The following MAD1L1 variants were observed in gnomAD, a reference collection of about 807,000 sequenced individuals.
MAD1L1 encodes the protein mitotic arrest deficient 1 like 1.
In MAD1L1, 95 loss-of-function variants were observed where a neutral mutation model predicts 96.9. The observed-to-expected ratio is 0.98, with a 90% CI of 0.83 to 1.16. The LOEUF (loss-of-function observed/expected upper bound fraction) is 1.16, where lower values mean the gene tolerates loss of function less well. Among genes scored for constraint, MAD1L1 ranks in the 50% most tolerant of loss-of-function variants. MAD1L1 has a pLI of 0.00. For missense variants in MAD1L1, 1,007 were observed against 954.4 expected, an observed-to-expected ratio of 1.06 and a Z score of -0.73; for synonymous variants, 473 against 396.6, an observed-to-expected ratio of 1.19 and a Z score of -2.29.
rs116480823 is a variant in MAD1L1 at position 2,209,317 on chromosome 7, G to A, written c.986+3895C>T. 4.4e-3 allele frequency among the ~76,000 whole-genome samples: 667 copies of A among 152,318 alleles called. 6 individuals are homozygous for A. The highest frequency in any genetic ancestry group is 0.015 in the African/African-American group (632 of 41,572). On this transcript the variant is annotated intron_variant, in intron 10 of 18. Coordinates refer to ENST00000265854, the MANE Select transcript of MAD1L1 (RefSeq NM_001013836.2). The stretch of plus-strand genomic sequence containing the variant: ...CAGCCAGGGTTTATCCAAGCCCGGG[G>A]CGAGGCCGAAGAGCCCTCTGAGGAC...
chr7:2,016,339 T>C (rs79105731), intron 12 of MAD1L1, among the ~76,000 whole-genome samples: 1,917 of 152,228 alleles, frequency 0.013, 34 homozygotes, highest in African/African-American at 0.044. Flanking sequence ...CCCCCACCAG[T>C]ACTGGCTGAA....
At chr7:1,979,041 G>A (rs574116470) in intron 15 of MAD1L1, among the ~76,000 whole-genome samples, 17 of 152,226 alleles carry the variant, frequency 1.1e-4, no homozygotes, top group Non-Finnish European at 2.2e-4. Flanking sequence ...GCACTTCCTG[G>A]GCCGGGGCCA....
intron 10 of MAD1L1, among the ~76,000 whole-genome samples, chr7:2,169,329 T>A (rs1790594080): frequency 6.6e-6 from 1 of 152,180 alleles, no homozygotes; most frequent in South Asian, 2.1e-4. Context: ...TTTTTATGTA[T>A]CTGTATTTCC....
intron 15 of MAD1L1, among the ~76,000 whole-genome samples, chr7:1,966,084 T>C (rs1780155185): frequency 6.6e-6 from 1 of 152,222 alleles, no homozygotes; most frequent in South Asian, 2.1e-4. Context: ...CTGAAGCTGA[T>C]GATAGCTAAG....
rs191118061 is a variant in MAD1L1, at chr7:1,927,069, T to A, written c.1807+9618A>T. On this transcript the variant is annotated intron_variant, in intron 17 of 18. Coordinates refer to ENST00000265854, the MANE Select transcript of MAD1L1 (RefSeq NM_001013836.2). ...AGCCAGCATAAACATCCGTCATACA[T>A]CTACACACACGCACTGAACACCTGG... Among the ~76,000 whole-genome samples the A allele has an allele frequency of 3.0e-3, 451 of 152,128 alleles. 1 individual carries two copies. Among genetic ancestry groups the A allele is most frequent in the African/African-American group, 0.01 (421 of 41,480 alleles).
intron 12 of MAD1L1, among the ~76,000 whole-genome samples, chr7:2,065,679 G>C (rs1784847263): frequency 6.6e-6 from 1 of 152,176 alleles, no homozygotes; most frequent in South Asian, 2.1e-4. Context: ...TCCCAGGGCA[G>C]GGTGTCACCA....
In MAD1L1 at chr7:2,119,469, G is replaced by A. The variant is rs139190290; in HGVS notation, c.1073+29683C>T. ...TCTCTGTAGCTGGCCAAAGCTGGAC[G>A]ACGCCACAAGAGCAGCTCTTTACAT... On this transcript the variant is annotated intron_variant, in intron 11 of 18. Transcript: ENST00000265854. This position sits in a 1 kb window ranked among gnomAD's most constrained non-coding sequence, Gnocchi z 4.6. Among the ~76,000 whole-genome samples, 113 of 152,226 alleles carry A rather than the reference G, an allele frequency of 7.4e-4. No homozygotes were observed. Among genetic ancestry groups the A allele is most frequent in the African/African-American group, 2.5e-3 (104 of 41,520 alleles).
intron 14 of MAD1L1, among the ~76,000 whole-genome samples, chr7:1,999,813 C>T (rs372304517): frequency 3.2e-4 from 48 of 152,214 alleles, no homozygotes; most frequent in African/African-American, 1.1e-3. Context: ...AAACGCCGGC[C>T]GCAGGGCCCA....
Position 1,939,649 on chromosome 7 carries a change from G to A in MAD1L1, c.1597-2752C>T, listed in dbSNP as rs548764918. On this transcript the variant is annotated intron_variant, in intron 16 of 18. Coordinates refer to ENST00000265854, the MANE Select transcript of MAD1L1 (RefSeq NM_001013836.2). Reference sequence around the variant, plus strand: ...TGCCACCCTTGGGGCTTCTGCCCACGCACTCTCCTATCTCCCAGAGGGGAA... The same window carrying A: ...TGCCACCCTTGGGGCTTCTGCCCACACACTCTCCTATCTCCCAGAGGGGAA... Among the ~76,000 whole-genome samples, 72 of 152,336 alleles carry A rather than the reference G, an allele frequency of 4.7e-4. 1 individual carries two copies. In the South Asian group the frequency reaches 0.01, roughly 22 times the overall value.
chr7:2,025,631 A>C (rs2128503885), intron 12 of MAD1L1, among the ~76,000 whole-genome samples: 1 of 152,374 alleles, frequency 6.6e-6, no homozygotes, highest in South Asian at 2.1e-4. Context: ...AAAAAGGGTT[A>C]GAAATGTGTA....
intron 16 of MAD1L1, among the ~76,000 whole-genome samples, chr7:1,946,398 T>C (rs1056371930): frequency 6.6e-6 from 1 of 152,218 alleles, no homozygotes; most frequent in Non-Finnish European, 1.5e-5. Flanking sequence ...GGAGCAACCT[T>C]GCTGGAATCG....
chr7:1,822,764 T>G (rs1218006188), intron 18 of MAD1L1, among the ~76,000 whole-genome samples: 1 of 150,516 alleles, frequency 6.6e-6, no homozygotes, highest in African/African-American at 2.4e-5. Context: ...GACACAAGAT[T>G]ATTCTAAAAT....
intron 18 of MAD1L1, among the ~76,000 whole-genome samples, chr7:1,859,053 C>A (rs13242891): frequency 0.024 from 2,004 of 83,998 alleles, 17 homozygotes; most frequent in Non-Finnish European, 0.043. Context: ...ACCTCCACAC[C>A]AAACCCCATA....
intron 13 of MAD1L1, among the ~76,000 whole-genome samples, chr7:2,003,698 C>G (rs1164528535): frequency 6.6e-6 from 1 of 152,204 alleles, no homozygotes. Context: ...AGGGGAAGGC[C>G]TTGAGCTCTG....
intron 15 of MAD1L1, among the ~76,000 whole-genome samples, chr7:1,970,377 A>G (rs1370387858): frequency 1.5e-5 from 2 of 129,856 alleles, no homozygotes; most frequent in East Asian, 2.2e-4. Flanking sequence ...TCTGTTACCC[A>G]GGTTGGAGTG....
At chr7:1,931,593 C>T (rs1364863613) in intron 17 of MAD1L1, among the ~76,000 whole-genome samples, 1 of 152,190 alleles carries the variant, frequency 6.6e-6, no homozygotes, top group Non-Finnish European at 1.5e-5. Context: ...CTTGAGCGCT[C>T]GGACGTCCTG....
chr7:2,016,684 GCCGT>G (rs200121523), intron 12 of MAD1L1, among the ~76,000 whole-genome samples: 4 of 4,736 alleles, frequency 8.4e-4, no homozygotes, highest in East Asian at 0.17. Context: ...GGGCTCTCCT[GCCGT>G]CTGTCTCTTG....
chr7:2,081,434 C>A (rs929420804), intron 11 of MAD1L1, among the ~76,000 whole-genome samples: 1 of 152,246 alleles, frequency 6.6e-6, no homozygotes, highest in African/African-American at 2.4e-5. Flanking sequence ...CGCCATCGTG[C>A]GACCCGGGAA....
chr7:2,052,440 C>G (rs1257014449), intron 12 of MAD1L1, among the ~76,000 whole-genome samples: 1 of 149,686 alleles, frequency 6.7e-6, no homozygotes, highest in Non-Finnish European at 1.5e-5. Context: ...CCAGGCACAG[C>G]AGGCAGGGAG....
Sources: allele counts gnomAD v4.1 joint callset (sites outside exome capture counted in the v4.1 genomes callset), GRCh38; gene constraint gnomAD v4.1.1; non-coding constraint Gnocchi (gnomAD v3.1); transcripts MANE v1.5; gene names NCBI Gene and HGNC (gene_info 2026-07-23, HGNC 2026-07-21).